The following LARGE1 variants were observed in gnomAD, a reference collection of about 807,000 sequenced individuals.
LARGE1 encodes the protein xylosyl- and glucuronyltransferase LARGE1.
LARGE1 carries 43 observed loss-of-function variants against 87.6 expected under a neutral mutation model. That is an observed-to-expected ratio of 0.49 (90% CI 0.38 to 0.63). LARGE1 has a LOEUF of 0.63. Among genes scored for constraint, LARGE1 ranks in the 30% least tolerant of loss-of-function variants. The probability of loss-of-function intolerance (pLI) is 0.00; values close to 1 mark genes in which losing one functional copy is unlikely to be tolerated. For synonymous variants in LARGE1, 434 were observed against 394.6 expected, an observed-to-expected ratio of 1.10 and a Z score of -1.18; for missense variants, 802 against 1,000.2, an observed-to-expected ratio of 0.80 and a Z score of 2.67.
At chr22:33,776,761 T>A (rs548469875) in intron 1 of LARGE1, among the ~76,000 whole-genome samples, 1 of 152,202 alleles carries the variant, frequency 6.6e-6, no homozygotes, top group Non-Finnish European at 1.5e-5. Flanking sequence ...GTGCAGTGTA[T>A]TGTTCTTCCA....
intron 11 of LARGE1, among the ~76,000 whole-genome samples, chr22:33,247,577 G>A (rs760761069): frequency 6.6e-6 from 1 of 152,230 alleles, no homozygotes; most frequent in Non-Finnish European, 1.5e-5. Flanking sequence ...TGAAAGATTA[G>A]CTGAAAGCTA....
chr22:33,783,106 CATATA>C (rs2085479014), intron 1 of LARGE1, among the ~76,000 whole-genome samples: 1 of 151,946 alleles, frequency 6.6e-6, no homozygotes, highest in Admixed American at 6.6e-5. Context: ...CCCTCAAGAT[CATATA>C]AAGGGCCAAA....
At chr22:33,444,594 T>C (rs1483178254) in intron 6 of LARGE1, among the ~76,000 whole-genome samples, 1 of 152,160 alleles carries the variant, frequency 6.6e-6, no homozygotes, top group Non-Finnish European at 1.5e-5. Context: ...GTAATTCTTG[T>C]TGAATGAGGA....
rs1037127179 is a variant in LARGE1, at chr22:33,459,380, C to A, written c.788-27115G>T. ...ATGTGGATCGAGGAGCATGATCCAC[C>A]GTGAAAGTCTTTTACAGGGCAGTGA... On this transcript the variant is annotated intron_variant, in intron 6 of 14. Transcript: ENST00000397394. 2.6e-5 allele frequency among the ~76,000 whole-genome samples: 4 copies of A among 151,730 alleles called. No individual in the cohort carries two copies. In the East Asian group the frequency reaches 7.7e-4, roughly 29 times the overall value.
the LARGE1 span, among the ~76,000 whole-genome samples, chr22:33,077,961 A>G: frequency 3.5e-4 from 53 of 151,762 alleles, 1 homozygote; most frequent in African/African-American, 1.3e-3. Flanking sequence ...TTTCAAAACT[A>G]GTCTCCTTTT....
the LARGE1 span, among the ~76,000 whole-genome samples, chr22:33,101,223 C>T: frequency 3.5e-4 from 53 of 152,096 alleles, no homozygotes; most frequent in Non-Finnish European, 6.5e-4. Flanking sequence ...TTATCCTCAC[C>T]GTTCCTTACT....
At chr22:33,134,898 TC>T in the LARGE1 span, among the ~76,000 whole-genome samples, 1 of 152,134 alleles carries the variant, frequency 6.6e-6, no homozygotes, top group African/African-American at 2.4e-5. Context: ...AGAGTCAGAT[TC>T]ATAGGTGGAG....
intron 11 of LARGE1, among the ~76,000 whole-genome samples, chr22:33,234,446 A>G (rs1468311300): frequency 6.6e-6 from 1 of 152,252 alleles, no homozygotes; most frequent in East Asian, 1.9e-4. Context: ...TAGTGACAAG[A>G]AAAAAGAACC....
chr22:33,408,796 A>G (rs991937640), intron 7 of LARGE1, among the ~76,000 whole-genome samples: 2 of 151,864 alleles, frequency 1.3e-5, no homozygotes, highest in South Asian at 2.1e-4. Context: ...TGTTGTTAAT[A>G]ATTAAATATT....
rs1345591380 is a variant in LARGE1, at chr22:33,690,533, T to A, written c.107-39865A>T. Among the ~76,000 whole-genome samples, 3 of 151,922 alleles carry A rather than the reference T, an allele frequency of 2.0e-5. No homozygotes were observed. The East Asian group carries it at 5.8e-4, about 29-fold the overall frequency. ...ACAGGAGGTGGAATTCAAACACACC[T>A]CATGCTCCTTCTACTAGAGACCTGG... On this transcript the variant is annotated intron_variant, in intron 2 of 14. Transcript: ENST00000397394.
At chr22:33,291,893 C>T (rs1932654890) in intron 12 of LARGE1, among the ~76,000 whole-genome samples, 1 of 151,978 alleles carries the variant, frequency 6.6e-6, no homozygotes, top group Non-Finnish European at 1.5e-5. Context: ...AGGGGTTAGA[C>T]ACCAGCTTGG....
At chr22:33,130,593 C>T in the LARGE1 span, among the ~76,000 whole-genome samples, 1 of 152,096 alleles carries the variant, frequency 6.6e-6, no homozygotes, top group Non-Finnish European at 1.5e-5. Flanking sequence ...AAAACAAATG[C>T]CACTTGCCCA....
chr22:33,403,439 G>C (rs2065991159), intron 7 of LARGE1, among the ~76,000 whole-genome samples: 2 of 152,136 alleles, frequency 1.3e-5, no homozygotes, highest in African/African-American at 4.8e-5. Context: ...GAGTAATAGG[G>C]AGTAGTGTCT....
At chr22:33,349,026 C>A (rs898353235) in intron 9 of LARGE1, among the ~76,000 whole-genome samples, 2 of 152,262 alleles carry the variant, frequency 1.3e-5, no homozygotes, top group South Asian at 4.1e-4. Context: ...TCGTCTTCTG[C>A]CATGATTGTG....
intron 2 of LARGE1, chr22:33,733,626 A>G (rs1447335891): frequency 3.3e-5 from 5 of 151,736 alleles, no homozygotes; most frequent in Non-Finnish European, 5.9e-5. Flanking sequence ...CTAATTTTTT[A>G]CCCATCCATC....
At chr22:33,664,428 A>G (rs2081211272) in intron 2 of LARGE1, among the ~76,000 whole-genome samples, 1 of 152,126 alleles carries the variant, frequency 6.6e-6, no homozygotes, top group South Asian at 2.1e-4. Context: ...CTTAAAATAT[A>G]CCCTGGATAC....
At chr22:33,784,400 A>G (rs2085530568) in intron 1 of LARGE1, among the ~76,000 whole-genome samples, 1 of 152,208 alleles carries the variant, frequency 6.6e-6, no homozygotes, top group South Asian at 2.1e-4. Context: ...ACAAAAATAT[A>G]AACCCAGCAA....
chr22:33,514,123 C>T (rs751431738), intron 6 of LARGE1, among the ~76,000 whole-genome samples: 1 of 152,200 alleles, frequency 6.6e-6, no homozygotes, highest in Non-Finnish European at 1.5e-5. Flanking sequence ...CACAATGATG[C>T]AATCACCTAA....
chr22:33,435,172 T>A (rs1185279381), intron 6 of LARGE1, among the ~76,000 whole-genome samples: 1 of 152,132 alleles, frequency 6.6e-6, no homozygotes, highest in Non-Finnish European at 1.5e-5. Context: ...TGGCTAATTT[T>A]TGTATTTTTA....
Sources: allele counts gnomAD v4.1 joint callset (sites outside exome capture counted in the v4.1 genomes callset), GRCh38; gene constraint gnomAD v4.1.1; transcripts MANE v1.5; gene names NCBI Gene and HGNC (gene_info 2026-07-23, HGNC 2026-07-21).